The following CNNM2 variants were observed in gnomAD, a reference collection of about 807,000 sequenced individuals.
The protein encoded by CNNM2 is metal transporter CNNM2.
Under a neutral mutation model 66.9 loss-of-function variants are expected in CNNM2, and 12 were observed. That is an observed-to-expected ratio of 0.18 (90% CI 0.11 to 0.29). The LOEUF (loss-of-function observed/expected upper bound fraction) is 0.29, where lower values mean the gene tolerates loss of function less well. Ranked by LOEUF, CNNM2 falls within the 10% of genes least tolerant of loss-of-function variation. The pLI is 1.00. For synonymous variants in CNNM2, 557 were observed against 501.8 expected (o/e 1.11, Z -1.47); for missense variants, 705 against 1,167.7 (o/e 0.60, Z 5.77).
intron 1 of CNNM2, among the ~76,000 whole-genome samples, chr10:102,933,403 A>G (rs1356562650): frequency 2.0e-5 from 3 of 152,172 alleles, no homozygotes; most frequent in Non-Finnish European, 4.4e-5. Context: ...GAATTGTTTT[A>G]TTAATGTTAT....
intron 1 of CNNM2, among the ~76,000 whole-genome samples, chr10:102,931,186 C>A (rs1846050741): frequency 6.6e-6 from 1 of 152,032 alleles, no homozygotes; most frequent in African/African-American, 2.4e-5. Context: ...AGTGCCCCTG[C>A]TTGGTATGTC....
intron 1 of CNNM2, among the ~76,000 whole-genome samples, chr10:103,022,579 A>G (rs1357478534): frequency 6.6e-6 from 1 of 152,202 alleles, no homozygotes; most frequent in East Asian, 1.9e-4. Flanking sequence ...AAATTGCCAA[A>G]TGCTACAAAT....
intron 1 of CNNM2, among the ~76,000 whole-genome samples, chr10:103,024,046 C>T (rs1220142625): frequency 6.6e-6 from 1 of 152,268 alleles, no homozygotes; most frequent in Middle Eastern, 3.4e-3. Context: ...TCATTGACTA[C>T]TCTCTCCATA....
intron 1 of CNNM2, among the ~76,000 whole-genome samples, chr10:102,927,146 ATATT>A (rs1314310356): frequency 1.3e-5 from 2 of 152,184 alleles, no homozygotes; most frequent in Non-Finnish European, 2.9e-5. Flanking sequence ...AAAGTGGTAT[ATATT>A]TTTCAAATGA....
intron 1 of CNNM2, among the ~76,000 whole-genome samples, chr10:102,920,634 T>A (rs1590247250): frequency 6.6e-6 from 1 of 152,186 alleles, no homozygotes. Flanking sequence ...CCTGCTTGCC[T>A]GGCAACTTGT....
At chr10:102,941,002 T>A (rs1030168000) in intron 1 of CNNM2, among the ~76,000 whole-genome samples, 10 of 151,400 alleles carry the variant, frequency 6.6e-5, no homozygotes, top group Admixed American at 2.6e-4. Flanking sequence ...TGGGATTACA[T>A]ATGAATTTGT....
chr10:102,946,610 G>T (rs1355275756), intron 1 of CNNM2, among the ~76,000 whole-genome samples: 1 of 151,966 alleles, frequency 6.6e-6, no homozygotes, highest in Non-Finnish European at 1.5e-5. Flanking sequence ...CAACTCCTTT[G>T]AGCCCAAATT....
chr10:103,013,230 G>A (rs955711072), intron 1 of CNNM2, among the ~76,000 whole-genome samples: 3 of 152,084 alleles, frequency 2.0e-5, no homozygotes, highest in Non-Finnish European at 4.4e-5. Flanking sequence ...TTCAAAGTAA[G>A]GATAAAAACC....
chr10:103,061,565 A>G (rs1481019241), intron 4 of CNNM2, among the ~76,000 whole-genome samples: 1 of 152,188 alleles, frequency 6.6e-6, no homozygotes, highest in African/African-American at 2.4e-5. Flanking sequence ...GAATAAAAGG[A>G]TTTGCTAGAA....
At chr10:102,931,746 G>A (rs1383507668) in intron 1 of CNNM2, among the ~76,000 whole-genome samples, 1 of 151,470 alleles carries the variant, frequency 6.6e-6, no homozygotes, top group Non-Finnish European at 1.5e-5. Flanking sequence ...TTGAGAAACT[G>A]CCAAACTGTT....
rs371126297 is a variant in CNNM2, at chr10:102,956,288, CAA to C, written c.1621+36206_1621+36207del. On this transcript the variant is annotated intron_variant, in intron 1 of 7. Coordinates refer to ENST00000369878, the MANE Select transcript of CNNM2 (RefSeq NM_017649.5). ...GGGCAATAAGAGCAAGATTCCATCT[CAA>C]AAAAAAAAAAAAAAAAAAGTCAGGA... 8.1e-5 allele frequency among the ~76,000 whole-genome samples: 6 copies of C among 74,042 alleles called. No individual in the cohort carries two copies. Among genetic ancestry groups the C allele is most frequent in the East Asian group, 6.9e-4 (2 of 2,890 alleles). 48.6% of individuals were successfully genotyped at this position (74,042 alleles called of 152,430 possible). A position where few individuals can be genotyped will look rare whatever the true frequency, so the allele number is the denominator to read the frequency against.
chr10:102,918,439 G>A lies in CNNM2; in HGVS notation c.-42G>A, dbSNP rs745801073. 11 of 1,579,916 alleles carry A rather than the reference G, an allele frequency of 7.0e-6. No homozygotes were observed. In the Admixed American group the frequency reaches 1.1e-4, roughly 16 times the overall value. ...AGGGGCCGGTACCTGCGCTCGCGCC[G>A]CCGGGTTGAAAGGATGAAGCCGCAG... is the stretch of plus-strand genomic sequence containing the variant. On this transcript the variant is annotated 5_prime_UTR_variant, in exon 1 of 8. Coordinates refer to ENST00000369878, the MANE Select transcript of CNNM2 (RefSeq NM_017649.5). The surrounding 1 kb of genome is among the most constrained non-coding windows in gnomAD (Gnocchi z 4.1).
At chr10:103,071,746 T>G in intron 5 of CNNM2, 28 bp from the exon 6 acceptor site, 4 of 1,595,402 alleles carry the variant, frequency 2.5e-6, no homozygotes, top group Non-Finnish European at 3.4e-6. Flanking sequence ...TTTGATGCGA[T>G]CTCACCCTGT....
chr10:102,936,179 T>C (rs1846234048), intron 1 of CNNM2, among the ~76,000 whole-genome samples: 1 of 152,072 alleles, frequency 6.6e-6, no homozygotes, highest in South Asian at 2.1e-4. Flanking sequence ...CTGACTCAAC[T>C]CGGAGCCTCT....
chr10:102,940,619 C>T (rs534943766), intron 1 of CNNM2, among the ~76,000 whole-genome samples: 98 of 150,912 alleles, frequency 6.5e-4, no homozygotes, highest in African/African-American at 2.2e-3. Context: ...AGGGTTTCAC[C>T]GTGTTAGCCA....
chr10:103,065,314 G>A (rs1228412661), intron 4 of CNNM2, among the ~76,000 whole-genome samples: 1 of 152,082 alleles, frequency 6.6e-6, no homozygotes, highest in Non-Finnish European at 1.5e-5. Context: ...AAATCCTGAT[G>A]CCCAGATTCA....
chr10:103,072,641 G>A (rs1245537818), intron 6 of CNNM2, among the ~76,000 whole-genome samples: 3 of 152,188 alleles, frequency 2.0e-5, no homozygotes, highest in Non-Finnish European at 4.4e-5. Flanking sequence ...TAACTAATAC[G>A]TCCAGCTATT....
Position 103,049,724 on chromosome 10 carries a change from A to G in CNNM2, c.1639A>G (p.Ile547Val), listed in dbSNP as rs1480079135. The G allele has an allele frequency of 5.0e-6, 8 of 1,613,654 alleles. No homozygotes were observed. The highest frequency in any genetic ancestry group is 5.9e-6 in the Non-Finnish European group (7 of 1,179,804). The change falls in exon 2 of 8, where the codon ATC becomes GTC. Residue 547 changes from isoleucine (I) to valine (V), a missense_variant. Transcript: ENST00000369878. ...CTCTAAAGGTAAATCTCACCTGGCT[A>G]TCGTGCAGCGGGTAAACAATGAGGG... ...EFKKGKSHLA[I>V]VQRVNNEGEG... is the part of the protein sequence containing the mutation.
intron 1 of CNNM2, among the ~76,000 whole-genome samples, chr10:102,970,566 G>GA (rs1020872238): frequency 6.6e-6 from 1 of 152,066 alleles, no homozygotes; most frequent in African/African-American, 2.4e-5. Context: ...CCTATTCTCA[G>GA]AAAAAAATTT....
Sources: gnomAD v4.1 joint callset for allele counts (sites outside exome capture counted in the v4.1 genomes callset) on GRCh38, gnomAD v4.1.1 for gene constraint, Gnocchi (gnomAD v3.1) non-coding constraint, MANE v1.5 for transcripts, NCBI Gene and HGNC (gene_info 2026-07-23, HGNC 2026-07-21) for gene names.